The following NDST4 variants were observed in gnomAD, a reference collection of about 807,000 sequenced individuals.
The protein encoded by NDST4 is N-heparan sulfate sulfotransferase 4.
Under a neutral mutation model 100.8 loss-of-function variants are expected in NDST4, and 63 were observed. The ratio of observed to expected loss-of-function variants is 0.62; its 90% confidence interval spans 0.51 to 0.77. NDST4 has a LOEUF of 0.77. Among genes scored for constraint, NDST4 ranks in the 30% least tolerant of loss-of-function variants. NDST4 has a pLI of 0.00. For missense variants in NDST4, 943 were observed against 1,018.4 expected (o/e 0.93, Z 1.01); for synonymous variants, 377 against 361.8 (o/e 1.04, Z -0.48).
intron 1 of NDST4, among the ~76,000 whole-genome samples, chr4:115,113,102 A>G (rs1729986475): frequency 6.6e-6 from 1 of 151,982 alleles, no homozygotes; most frequent in Admixed American, 6.6e-5. Flanking sequence ...AGTTTGTAAA[A>G]TTGGTGCTTT....
chr4:114,893,215 G>A (rs1296574701), intron 6 of NDST4, among the ~76,000 whole-genome samples: 2 of 152,154 alleles, frequency 1.3e-5, no homozygotes, highest in Admixed American at 6.5e-5. Flanking sequence ...ACATGTGCAT[G>A]TGTCCTTATG....
rs538174124 is a variant in NDST4, at chr4:114,943,629, T to C, written c.1222-6126A>G. 2.6e-5 allele frequency among the ~76,000 whole-genome samples: 4 copies of C among 152,268 alleles called. No homozygotes were observed. The South Asian group carries it at 8.3e-4, about 32-fold the overall frequency. ...TAGAGAGATTATTTCCGTTTTCACA[T>C]AATTATATATAATATTTTAAGTACA... is the stretch of plus-strand genomic sequence containing the variant. On this transcript the variant is annotated intron_variant, in intron 4 of 13. Coordinates refer to ENST00000264363, the MANE Select transcript of NDST4 (RefSeq NM_022569.3).
chr4:114,952,124 A>T (rs1726002412), intron 4 of NDST4, among the ~76,000 whole-genome samples: 1 of 152,138 alleles, frequency 6.6e-6, no homozygotes, highest in African/African-American at 2.4e-5. Context: ...ATGATCAAGT[A>T]AAGCAGAAAG....
intron 6 of NDST4, among the ~76,000 whole-genome samples, chr4:114,932,698 G>A (rs1019288870): frequency 2.0e-5 from 3 of 151,694 alleles, no homozygotes; most frequent in Non-Finnish European, 4.4e-5. Flanking sequence ...ACACTGACAA[G>A]TTATCTGAAA....
At chr4:115,080,789 C>T (rs1376078284) in intron 1 of NDST4, among the ~76,000 whole-genome samples, 2 of 151,966 alleles carry the variant, frequency 1.3e-5, no homozygotes, top group Non-Finnish European at 2.9e-5. Context: ...TATCCAAGCT[C>T]ACATATTTAA....
chr4:115,095,354 C>G (rs1729599101), intron 1 of NDST4, among the ~76,000 whole-genome samples: 1 of 152,110 alleles, frequency 6.6e-6, no homozygotes, highest in South Asian at 2.1e-4. Flanking sequence ...AAAAGTATTT[C>G]CTTACATGGT....
At chr4:115,071,930 A>T (rs1028751777) in intron 2 of NDST4, among the ~76,000 whole-genome samples, 4 of 152,170 alleles carry the variant, frequency 2.6e-5, no homozygotes, top group Non-Finnish European at 5.9e-5. Flanking sequence ...ATTCCATTCA[A>T]ATTTCTCATA....
intron 6 of NDST4, among the ~76,000 whole-genome samples, chr4:114,894,778 T>G (rs1297216034): frequency 9.9e-5 from 15 of 152,144 alleles, no homozygotes; most frequent in Admixed American, 9.2e-4. Flanking sequence ...CAATACTATG[T>G]TAAATAGGAG....
At chr4:115,016,104 C>T (rs919200230) in intron 2 of NDST4, among the ~76,000 whole-genome samples, 1 of 151,972 alleles carries the variant, frequency 6.6e-6, no homozygotes, top group Admixed American at 6.6e-5. Context: ...TTATTGCTTC[C>T]AATTAAGGCA....
intron 2 of NDST4, among the ~76,000 whole-genome samples, chr4:115,044,999 A>G (rs1276474373): frequency 1.3e-5 from 2 of 151,978 alleles, no homozygotes; most frequent in African/African-American, 2.4e-5. Flanking sequence ...CTCTCCTGGT[A>G]TATATGAAAT....
intron 4 of NDST4, among the ~76,000 whole-genome samples, chr4:114,953,622 G>A (rs1298110523): frequency 6.6e-6 from 1 of 152,130 alleles, no homozygotes; most frequent in African/African-American, 2.4e-5. Context: ...ATGTGAATGC[G>A]ATGTGATGCC....
chr4:114,907,566 T>C (rs1724978521), intron 6 of NDST4, among the ~76,000 whole-genome samples: 1 of 152,108 alleles, frequency 6.6e-6, no homozygotes, highest in Admixed American at 6.6e-5. Context: ...GAAGCAAAAA[T>C]CAATCTAATA....
At chr4:115,058,362 G>A (rs1728746704) in intron 2 of NDST4, among the ~76,000 whole-genome samples, 1 of 152,114 alleles carries the variant, frequency 6.6e-6, no homozygotes, top group Admixed American at 6.6e-5. Flanking sequence ...ATTGCCAATG[G>A]AAATGCAGCA....
chr4:114,906,825 C>T (rs1724960013), intron 6 of NDST4, among the ~76,000 whole-genome samples: 1 of 152,034 alleles, frequency 6.6e-6, no homozygotes, highest in East Asian at 1.9e-4. Flanking sequence ...AGATCCAGCT[C>T]TTCTGAAGGG....
intron 2 of NDST4, among the ~76,000 whole-genome samples, chr4:115,023,211 C>T (rs115699437): frequency 0.019 from 2,858 of 152,164 alleles, 75 homozygotes; most frequent in African/African-American, 0.059. Flanking sequence ...GTTGGCCGAG[C>T]GCAGTTGCTC....
At chr4:114,929,156 C>G (rs1055611091) in intron 6 of NDST4, among the ~76,000 whole-genome samples, 6 of 147,378 alleles carry the variant, frequency 4.1e-5, no homozygotes, top group African/African-American at 9.9e-5. Flanking sequence ...ATCTATCTAT[C>G]TATCTATGTA....
At chr4:114,895,053 T>C (rs1350912029) in intron 6 of NDST4, among the ~76,000 whole-genome samples, 2 of 151,970 alleles carry the variant, frequency 1.3e-5, no homozygotes, top group Non-Finnish European at 1.5e-5. Context: ...CTCAAATCAA[T>C]ACCCTAAATT....
chr4:114,999,964 T>C (rs954351510), intron 2 of NDST4, among the ~76,000 whole-genome samples: 1 of 151,982 alleles, frequency 6.6e-6, no homozygotes, highest in Admixed American at 6.6e-5. Context: ...GTTATTATCT[T>C]TCAAGAATAT....
intron 6 of NDST4, among the ~76,000 whole-genome samples, chr4:114,881,652 T>C (rs1486618724): frequency 1.3e-5 from 2 of 152,092 alleles, no homozygotes; most frequent in African/African-American, 4.8e-5. Flanking sequence ...GTTATAGGTC[T>C]GGAGGGAGAG....
Sources: allele counts gnomAD v4.1 joint callset (sites outside exome capture counted in the v4.1 genomes callset), GRCh38; gene constraint gnomAD v4.1.1; transcripts MANE v1.5; gene names NCBI Gene and HGNC (gene_info 2026-07-23, HGNC 2026-07-21).